The following NAALADL2 variants were observed in gnomAD, a reference collection of about 807,000 sequenced individuals.
NAALADL2 encodes N-acetylated alpha-linked acidic dipeptidase like 2, also known as inactive N-acetylated-alpha-linked acidic dipeptidase-like protein 2.
NAALADL2 carries 76 observed loss-of-function variants against 87.2 expected under a neutral mutation model. The ratio of observed to expected loss-of-function variants is 0.87; its 90% CI spans 0.72 to 1.05. The LOEUF is 1.05. NAALADL2 is among the 50% of genes least tolerant of loss of function. The probability of loss-of-function intolerance (pLI) is 0.00; values close to 1 mark genes in which losing one functional copy is unlikely to be tolerated. For synonymous variants in NAALADL2, 354 were observed against 331.0 expected, an observed-to-expected ratio of 1.07 and a Z score of -0.75; for missense variants, 1,089 against 945.8, an observed-to-expected ratio of 1.15 and a Z score of -1.99.
chr3:174,964,442 T>C (rs1742583474), intron 1 of NAALADL2, among the ~76,000 whole-genome samples: 1 of 152,072 alleles, frequency 6.6e-6, no homozygotes, highest in African/African-American at 2.4e-5. Flanking sequence ...TAATGATATA[T>C]GAAGCCCTGA....
intron 3 of NAALADL2, among the ~76,000 whole-genome samples, chr3:174,756,970 AAAC>A (rs1032584710): frequency 6.6e-6 from 1 of 152,116 alleles, no homozygotes; most frequent in Non-Finnish European, 1.5e-5. Context: ...AAACAAAACA[AAAC>A]AAAACCTCAC....
intron 2 of NAALADL2, among the ~76,000 whole-genome samples, chr3:174,733,852 C>G (rs1458355114): frequency 6.6e-6 from 1 of 152,110 alleles, no homozygotes; most frequent in Admixed American, 6.6e-5. Context: ...TAAGAGCAAT[C>G]ATGATGAATG....
intron 11 of NAALADL2, among the ~76,000 whole-genome samples, chr3:175,632,266 TTC>T (rs61458338): frequency 0.045 from 5,865 of 129,232 alleles, 127 homozygotes; most frequent in East Asian, 0.08. Flanking sequence ...CACTTTCCCC[TTC>T]TCTCTCTCTC....
chr3:175,151,322 C>A (rs1002237560), intron 2 of NAALADL2, among the ~76,000 whole-genome samples: 1 of 152,144 alleles, frequency 6.6e-6, no homozygotes, highest in Non-Finnish European at 1.5e-5. Context: ...ATGTAACTGG[C>A]TGAATAGACG....
Position 175,631,786 on chromosome 3 carries a change from T to C in NAALADL2, c.1896+4400T>C, listed in dbSNP as rs73881319. 3.6e-3 allele frequency among the ~76,000 whole-genome samples: 553 copies of C among 152,070 alleles called. 3 individuals carry two copies. Among genetic ancestry groups the C allele is most frequent in the African/African-American group, 0.012 (510 of 41,526 alleles). On this transcript the variant is annotated intron_variant, in intron 11 of 13. Coordinates refer to ENST00000454872, the MANE Select transcript of NAALADL2 (RefSeq NM_207015.3). ...TTTAATGAGTGATTAAAAATGGCCA[T>C]GTATTCATGTTTTTAAATAGGCTTA...
intron 2 of NAALADL2, among the ~76,000 whole-genome samples, chr3:174,701,241 T>C (rs1578597609): frequency 6.6e-6 from 1 of 151,218 alleles, no homozygotes. Flanking sequence ...AATGTATTTA[T>C]AAATATCTTA....
chr3:174,864,614 T>C (rs749407983), intron 1 of NAALADL2, among the ~76,000 whole-genome samples: 2 of 152,242 alleles, frequency 1.3e-5, no homozygotes, highest in South Asian at 2.1e-4. Flanking sequence ...AATCATGCAA[T>C]AAAAACTTTT....
chr3:175,165,604 T>C (rs1302780297), intron 2 of NAALADL2, among the ~76,000 whole-genome samples: 4 of 152,096 alleles, frequency 2.6e-5, no homozygotes, highest in Non-Finnish European at 4.4e-5. Flanking sequence ...TCCTAAGAAA[T>C]GGTTTAGCTT....
At chr3:175,300,299 C>T (rs770410286) in intron 4 of NAALADL2, among the ~76,000 whole-genome samples, 1 of 152,140 alleles carries the variant, frequency 6.6e-6, no homozygotes, top group Admixed American at 6.5e-5. Flanking sequence ...TGATGCTGGC[C>T]TCATAAAACG....
At chr3:175,515,561 A>G (rs12487764) in intron 9 of NAALADL2, among the ~76,000 whole-genome samples, 2,464 of 133,386 alleles carry the variant, frequency 0.018, 75 homozygotes, top group Admixed American at 0.073. Context: ...AATTTTTGGG[A>G]AAAAAAAAAA....
chr3:175,769,279 C>A (rs1400733611), intron 13 of NAALADL2, among the ~76,000 whole-genome samples: 2 of 152,168 alleles, frequency 1.3e-5, no homozygotes, highest in Non-Finnish European at 2.9e-5. Flanking sequence ...CCCTTTGGGA[C>A]TTTACTTTCT....
At chr3:175,208,683 T>C (rs1161238895) in intron 2 of NAALADL2, among the ~76,000 whole-genome samples, 1 of 152,106 alleles carries the variant, frequency 6.6e-6, no homozygotes, top group Non-Finnish European at 1.5e-5. Context: ...ATTTTTCCAC[T>C]AAGCATACAC....
chr3:175,246,129 A>G (rs182335726), intron 3 of NAALADL2, among the ~76,000 whole-genome samples: 6 of 152,330 alleles, frequency 3.9e-5, no homozygotes, highest in African/African-American at 1.2e-4. Flanking sequence ...ATCTTTATCA[A>G]TGCTAAGATT....
At chr3:175,185,693 C>A (rs1227368609) in intron 2 of NAALADL2, among the ~76,000 whole-genome samples, 1 of 150,826 alleles carries the variant, frequency 6.6e-6, no homozygotes, top group East Asian at 1.9e-4. Context: ...ATTTCTTAAG[C>A]TAGTATTTTT....
intron 5 of NAALADL2, among the ~76,000 whole-genome samples, chr3:175,347,701 C>A (rs1322565279): frequency 6.6e-6 from 1 of 152,150 alleles, no homozygotes; most frequent in Non-Finnish European, 1.5e-5. Flanking sequence ...AGAACAAACA[C>A]AGCAAGAATT....
chr3:175,408,807 G>A (rs2149083385), intron 5 of NAALADL2, among the ~76,000 whole-genome samples: 1 of 151,868 alleles, frequency 6.6e-6, no homozygotes, highest in East Asian at 1.9e-4. Flanking sequence ...ACTGTTAAAG[G>A]ACATTTTGTA....
At chr3:174,576,301 A>C (rs1438151320) in intron 2 of NAALADL2, among the ~76,000 whole-genome samples, 1 of 152,208 alleles carries the variant, frequency 6.6e-6, no homozygotes, top group African/African-American at 2.4e-5. Context: ...AAGGAAAATT[A>C]CATGAGAGTA....
intron 5 of NAALADL2, among the ~76,000 whole-genome samples, chr3:175,337,607 T>A (rs929381355): frequency 4.6e-5 from 7 of 152,144 alleles, no homozygotes; most frequent in Non-Finnish European, 7.4e-5. Context: ...AATACCTTCA[T>A]CTTGAACTTA....
chr3:175,119,347 T>A (rs1644772943), intron 2 of NAALADL2, among the ~76,000 whole-genome samples: 1 of 151,602 alleles, frequency 6.6e-6, no homozygotes, highest in African/African-American at 2.4e-5. Flanking sequence ...TTTGAATTAG[T>A]TTTGAAGGAT....
Sources: allele counts gnomAD v4.1 joint callset (sites outside exome capture counted in the v4.1 genomes callset), GRCh38; gene constraint gnomAD v4.1.1; transcripts MANE v1.5; gene names NCBI Gene and HGNC (gene_info 2026-07-23, HGNC 2026-07-21).